Variants in KHDRBS2 observed in about 807,000 individuals in gnomAD.
KHDRBS2 encodes KH RNA binding domain containing, signal transduction associated 2.
In KHDRBS2, 26 loss-of-function variants were observed where a neutral mutation model predicts 44.3. The ratio of observed to expected loss-of-function variants is 0.59; its 90% CI spans 0.43 to 0.81. KHDRBS2 has a LOEUF of 0.81. Among genes scored for constraint, KHDRBS2 ranks in the 40% least tolerant of loss-of-function variants. The pLI is 0.00. For missense variants in KHDRBS2, 476 were observed against 433.1 expected, an observed-to-expected ratio of 1.10 and a Z score of -0.88; for synonymous variants, 194 against 151.1, an observed-to-expected ratio of 1.28 and a Z score of -2.08.
intron 3 of KHDRBS2, among the ~76,000 whole-genome samples, chr6:62,003,551 C>T (rs747108201): frequency 2.0e-5 from 3 of 151,968 alleles, no homozygotes; most frequent in South Asian, 2.1e-4. Flanking sequence ...GACTTAGACT[C>T]CACACAATAA....
intron 7 of KHDRBS2, among the ~76,000 whole-genome samples, chr6:61,728,123 T>C (rs1411915955): frequency 2.0e-5 from 3 of 150,866 alleles, no homozygotes; most frequent in Admixed American, 1.3e-4. Flanking sequence ...AGGAATGAGA[T>C]TCTGTTCTTT....
the KHDRBS2 span, among the ~76,000 whole-genome samples, chr6:61,670,852 T>C: frequency 6.6e-6 from 1 of 151,626 alleles, no homozygotes; most frequent in Non-Finnish European, 1.5e-5. Context: ...TTTTATAATT[T>C]CTGGTTTACA....
At chr6:61,711,847 A>C (rs1380578157) in intron 7 of KHDRBS2, among the ~76,000 whole-genome samples, 1 of 151,896 alleles carries the variant, frequency 6.6e-6, no homozygotes, top group East Asian at 1.9e-4. Context: ...ATTATTCTTG[A>C]TACCAGTTTG....
At chr6:61,720,798 C>T (rs1218576442) in intron 7 of KHDRBS2, among the ~76,000 whole-genome samples, 1 of 151,304 alleles carries the variant, frequency 6.6e-6, no homozygotes, top group East Asian at 1.9e-4. Context: ...TCCCATTTGT[C>T]AATTTTGGCT....
the KHDRBS2 span, among the ~76,000 whole-genome samples, chr6:61,579,655 T>C: frequency 1.3e-5 from 2 of 152,190 alleles, no homozygotes; most frequent in Non-Finnish European, 2.9e-5. Context: ...AAAATTTGTG[T>C]AATTCATCCC....
intron 1 of KHDRBS2, among the ~76,000 whole-genome samples, chr6:62,178,900 G>C (rs1821690374): frequency 1.3e-5 from 2 of 151,458 alleles, no homozygotes. Context: ...GGTGATGATA[G>C]TTATTAAGTA....
intron 6 of KHDRBS2, among the ~76,000 whole-genome samples, chr6:61,811,582 T>A (rs1057295397): frequency 3.3e-5 from 5 of 152,140 alleles, no homozygotes; most frequent in Non-Finnish European, 5.9e-5. Context: ...TATATAAGTG[T>A]TCCTTTTGCT....
At chr6:62,097,870 T>C (rs1186366006) in intron 2 of KHDRBS2, among the ~76,000 whole-genome samples, 1 of 152,146 alleles carries the variant, frequency 6.6e-6, no homozygotes, top group Non-Finnish European at 1.5e-5. Context: ...TGTTTGCTTT[T>C]TATTTTTAGT....
intron 4 of KHDRBS2, among the ~76,000 whole-genome samples, chr6:61,970,715 T>C (rs1192442): frequency 0.99 from 151,363 of 152,258 alleles, 75,245 homozygotes; most frequent in East Asian, 1. Context: ...CAAGGCCAAC[T>C]AGATTATTAC....
chr6:61,743,386 C>T (rs994300492), intron 6 of KHDRBS2, among the ~76,000 whole-genome samples: 7 of 152,066 alleles, frequency 4.6e-5, no homozygotes, highest in African/African-American at 1.7e-4. Context: ...ACAATGTAAA[C>T]TCAGTTATCT....
chr6:62,125,062 C>T (rs557450423), intron 2 of KHDRBS2, among the ~76,000 whole-genome samples: 16 of 152,180 alleles, frequency 1.1e-4, no homozygotes, highest in African/African-American at 3.6e-4. Flanking sequence ...ATGTCCTTTA[C>T]GCACTTATTA....
chr6:62,123,103 A>G (rs906201213), intron 2 of KHDRBS2, among the ~76,000 whole-genome samples: 3 of 151,678 alleles, frequency 2.0e-5, no homozygotes, highest in African/African-American at 7.3e-5. Context: ...CCCTGTGTCC[A>G]TGTTCTCATT....
At chr6:62,102,241 C>T (rs1029304216) in intron 2 of KHDRBS2, among the ~76,000 whole-genome samples, 7 of 152,110 alleles carry the variant, frequency 4.6e-5, no homozygotes, top group South Asian at 2.1e-4. Flanking sequence ...GAGTTGTTAA[C>T]GCATTACATA....
rs1040181481 is a variant in KHDRBS2 at position 61,738,480 on chromosome 6, C to T, written c.811-5716G>A. Among the ~76,000 whole-genome samples, 4 of 151,960 alleles carry T rather than the reference C, an allele frequency of 2.6e-5. No homozygotes were observed. The East Asian group carries it at 7.7e-4, about 29-fold the overall frequency. On this transcript the variant is annotated intron_variant, in intron 6 of 8. Coordinates refer to ENST00000281156, the MANE Select transcript of KHDRBS2 (RefSeq NM_152688.4). ...TTATAGGATCCTTGTGAAACACAAT[C>T]TTGGCTTCTTTCTGAGTCTTTGCTA...
At chr6:61,730,824 ATGTG>A (rs750635059) in intron 7 of KHDRBS2, among the ~76,000 whole-genome samples, 1 of 150,412 alleles carries the variant, frequency 6.6e-6, no homozygotes, top group Non-Finnish European at 1.5e-5. Flanking sequence ...CATTATATAT[ATGTG>A]TGTGTGTGTG....
At chr6:62,221,542 C>T (rs1218312456) in intron 1 of KHDRBS2, among the ~76,000 whole-genome samples, 1 of 151,866 alleles carries the variant, frequency 6.6e-6, no homozygotes, top group African/African-American at 2.4e-5. Context: ...TTGTTATCTA[C>T]ATGTATCTGA....
chr6:62,271,213 T>C (rs1390728553), intron 1 of KHDRBS2, among the ~76,000 whole-genome samples: 1 of 152,140 alleles, frequency 6.6e-6, no homozygotes, highest in South Asian at 2.1e-4. Context: ...CATAATGTTG[T>C]TTCAATCAAC....
the KHDRBS2 span, among the ~76,000 whole-genome samples, chr6:61,567,500 G>GCATGGT: frequency 1.3e-5 from 2 of 152,122 alleles, no homozygotes. Context: ...AATTAGCCAG[G>GCATGGT]CATGGTGGTG....
chr6:62,200,154 C>T (rs927467790), intron 1 of KHDRBS2, among the ~76,000 whole-genome samples: 1 of 152,102 alleles, frequency 6.6e-6, no homozygotes, highest in Admixed American at 6.6e-5. Context: ...CTAGGCAATA[C>T]CACTCAGGAC....
Sources: allele counts gnomAD v4.1 joint callset (sites outside exome capture counted in the v4.1 genomes callset), GRCh38; gene constraint gnomAD v4.1.1; transcripts MANE v1.5; gene names NCBI Gene and HGNC (gene_info 2026-07-23, HGNC 2026-07-21).